The following TANC2 variants were observed in gnomAD, a reference collection of about 807,000 sequenced individuals.
TANC2 encodes protein TANC2.
A neutral mutation model predicts 210.5 loss-of-function variants in TANC2; 26 were observed. The observed-to-expected ratio is 0.12, with a 90% CI of 0.09 to 0.17. TANC2 has a LOEUF of 0.17. Among genes scored for constraint, TANC2 ranks in the 10% least tolerant of loss-of-function variants. The probability of loss-of-function intolerance (pLI) is 1.00; values close to 1 mark genes in which losing one functional copy is unlikely to be tolerated. For missense variants in TANC2, 2,129 were observed against 2,608.9 expected, an observed-to-expected ratio of 0.82 and a Z score of 4.01; for synonymous variants, 931 against 967.1, an observed-to-expected ratio of 0.96 and a Z score of 0.69.
chr17:63,343,629 G>A (rs892515736), intron 12 of TANC2, among the ~76,000 whole-genome samples: 1 of 152,208 alleles, frequency 6.6e-6, no homozygotes, highest in Non-Finnish European at 1.5e-5. Context: ...TTTAGGCTAG[G>A]CTTGGTGGCT....
At chr17:63,151,324 T>G in exon 5 of TANC2, 4 of 985,844 alleles carry the variant, frequency 4.1e-6, no homozygotes, top group Non-Finnish European at 4.8e-6. Context: ...GAATCCGAGC[T>G]TGGCTCACCA....
At chr17:63,250,068 T>A (rs1293627487) in intron 8 of TANC2, among the ~76,000 whole-genome samples, 1 of 94,098 alleles carries the variant, frequency 1.1e-5, no homozygotes, top group Non-Finnish European at 2.0e-5. Flanking sequence ...TACAACCTGA[T>A]GAAATCTAAA....
chr17:63,101,303 T>C (rs1281266565), intron 4 of TANC2, among the ~76,000 whole-genome samples: 1 of 152,210 alleles, frequency 6.6e-6, no homozygotes, highest in Non-Finnish European at 1.5e-5. Context: ...AGAATGGTTC[T>C]TTCTTGGCAT....
Position 63,355,362 on chromosome 17 carries a change from G to T in TANC2, c.2554G>T (p.Glu852Ter). The T allele has an allele frequency of 6.3e-7, 1 of 1,590,968 alleles. No homozygotes were observed. Among genetic ancestry groups the T allele is most frequent in the South Asian group, 1.1e-5 (1 of 87,818 alleles). ...ATGGCTTATCTGGAGAGAAGAAGGA[G>T]AGAAAACCAAATTTCTCTGTGATCC... Residue 852 changes from glutamate (E) to a stop codon, truncating the protein, a stop_gained, in exon 14 of 28, where the codon GAG (glutamate) becomes TAG (stop). Transcript: ENST00000689528. LOFTEE classifies it high-confidence loss of function.
intron 8 of TANC2, among the ~76,000 whole-genome samples, chr17:63,248,909 A>C (rs2042984481): frequency 6.6e-6 from 1 of 152,132 alleles, no homozygotes; most frequent in South Asian, 2.1e-4. Context: ...CTTACATATG[A>C]CATAAATGGA....
rs574508544 is a variant in TANC2, at chr17:63,274,157, G to A, written c.1159+6284G>A. Among the ~76,000 whole-genome samples, 6 of 152,102 alleles carry A rather than the reference G, an allele frequency of 3.9e-5. No individual in the cohort carries two copies. The South Asian group carries it at 8.3e-4, about 21-fold the overall frequency. ...TTTTGACTGCTGAAGCAGAAGTTGG[G>A]ATAACATCTCCAAGTGGGATATTAA... On this transcript the variant is annotated intron_variant, in intron 9 of 27. Transcript: ENST00000689528.
At chr17:63,167,910 GAAAA>G (rs1189343278) in intron 5 of TANC2, among the ~76,000 whole-genome samples, 65 of 102,106 alleles carry the variant, frequency 6.4e-4, no homozygotes, top group African/African-American at 2.4e-3. Context: ...AAAAAAAAAA[GAAAA>G]GGAAAGAAAA....
At chr17:63,253,328 A>C (rs948338737) in intron 8 of TANC2, among the ~76,000 whole-genome samples, 1 of 152,118 alleles carries the variant, frequency 6.6e-6, no homozygotes, top group Non-Finnish European at 1.5e-5. Flanking sequence ...CTCCTTATAC[A>C]TTCTGCTTAT....
intron 7 of TANC2, among the ~76,000 whole-genome samples, chr17:63,224,535 G>A (rs763692713): frequency 2.0e-5 from 3 of 152,114 alleles, no homozygotes; most frequent in Non-Finnish European, 4.4e-5. Context: ...CACCACACCC[G>A]TCCCAGCCTT....
chr17:63,297,230 A>G (rs1266886022), intron 9 of TANC2, among the ~76,000 whole-genome samples: 2 of 152,218 alleles, frequency 1.3e-5, no homozygotes, highest in Non-Finnish European at 2.9e-5. Flanking sequence ...TCAAATTCAC[A>G]TGGACTTGCA....
At chr17:63,375,856 G>C (rs1375973082) in intron 14 of TANC2, among the ~76,000 whole-genome samples, 1 of 152,010 alleles carries the variant, frequency 6.6e-6, no homozygotes, top group Non-Finnish European at 1.5e-5. Flanking sequence ...TTGGGAGGCT[G>C]AGGTGGCCAG....
At chr17:63,090,202 CT>C (rs11312036) in intron 3 of TANC2, among the ~76,000 whole-genome samples, 74,221 of 144,224 alleles carry the variant, frequency 0.51, 19,920 homozygotes, top group African/African-American at 0.66. Context: ...GTATTACTGA[CT>C]TTTTTTTTTG....
At chr17:63,036,687 C>A (rs1353717443) in intron 2 of TANC2, among the ~76,000 whole-genome samples, 1 of 152,094 alleles carries the variant, frequency 6.6e-6, no homozygotes, top group African/African-American at 2.4e-5. Context: ...ATCTATAGAT[C>A]AACTGGGATA....
intron 9 of TANC2, among the ~76,000 whole-genome samples, chr17:63,295,861 T>C (rs1176462202): frequency 6.6e-6 from 1 of 152,198 alleles, no homozygotes; most frequent in Non-Finnish European, 1.5e-5. Flanking sequence ...AAGAATTTTA[T>C]GAGGGGCCCA....
intron 4 of TANC2, among the ~76,000 whole-genome samples, chr17:63,130,335 A>G (rs1295756676): frequency 2.0e-5 from 3 of 152,002 alleles, no homozygotes; most frequent in Non-Finnish European, 4.4e-5. Flanking sequence ...AACATGGTGA[A>G]ACCCCAGCTC....
At position 63,053,601 on chromosome 17, in the gene TANC2, A is replaced by G. The variant is rs1280038920; in HGVS notation, c.68-20342A>G. On this transcript the variant is annotated intron_variant, in intron 2 of 27. Coordinates refer to ENST00000689528, the Ensembl canonical transcript of TANC2. ...TACTCTTTCCTTGGGGATCTCATGC[A>G]GTTTCATAGTTTAAATGGGATTTAT... Among the ~76,000 whole-genome samples, 12 of 152,112 alleles carry G rather than the reference A, an allele frequency of 7.9e-5. No homozygotes were observed. In the East Asian group the frequency reaches 2.3e-3, roughly 29 times the overall value.
chr17:63,204,587 C>T (rs555257162), intron 7 of TANC2, among the ~76,000 whole-genome samples: 2 of 150,958 alleles, frequency 1.3e-5, no homozygotes, highest in East Asian at 3.9e-4. Context: ...AACCTAGCGA[C>T]ACTCTGTTTC....
intron 5 of TANC2, among the ~76,000 whole-genome samples, chr17:63,171,036 A>G (rs998108468): frequency 6.7e-6 from 1 of 149,754 alleles, no homozygotes; most frequent in South Asian, 2.1e-4. Context: ...AATATAGTCT[A>G]CTTCATCCAG....
rs576886683 is a variant in TANC2, at chr17:63,257,650, G to A, written c.1034-10098G>A. Among the ~76,000 whole-genome samples, 25 of 152,186 alleles carry A rather than the reference G, an allele frequency of 1.6e-4. No individual in the cohort carries two copies. In the South Asian group the frequency reaches 4.4e-3, roughly 26 times the overall value. ...GCTGGGATTACAGGTGTGAGCCACC[G>A]CACCCAGCCACAGGTAACATCTTAT... On this transcript the variant is annotated intron_variant, in intron 8 of 27. Coordinates refer to ENST00000689528, the Ensembl canonical transcript of TANC2.
Sources: allele counts gnomAD v4.1 joint callset (sites outside exome capture counted in the v4.1 genomes callset), GRCh38; gene constraint gnomAD v4.1.1; transcripts MANE v1.5; gene names NCBI Gene and HGNC (gene_info 2026-07-23, HGNC 2026-07-21).